The following MSH3 variants were observed in gnomAD, a reference collection of about 807,000 sequenced individuals.
The protein encoded by MSH3 is DNA mismatch repair protein Msh3.
MSH3 carries 106 observed loss-of-function variants against 123.3 expected under a neutral mutation model. The ratio of observed to expected loss-of-function variants is 0.86; its 90% confidence interval spans 0.73 to 1.01. The LOEUF is 1.01. Among genes scored for constraint, MSH3 ranks in the 50% least tolerant of loss-of-function variants. MSH3 has a pLI of 0.00. For missense variants in MSH3, 1,459 were observed against 1,347.6 expected, an observed-to-expected ratio of 1.08 and a Z score of -1.29; for synonymous variants, 515 against 481.4, an observed-to-expected ratio of 1.07 and a Z score of -0.91.
intron 8 of MSH3, among the ~76,000 whole-genome samples, chr5:80,709,185 A>G (rs1011883179): frequency 1.7e-4 from 25 of 150,764 alleles, no homozygotes; most frequent in Non-Finnish European, 2.7e-4. Context: ...GTAGACCCAC[A>G]TTAGCGATGA....
intron 8 of MSH3, among the ~76,000 whole-genome samples, chr5:80,702,489 A>G (rs754485909): frequency 2.0e-5 from 3 of 152,184 alleles, no homozygotes; most frequent in Non-Finnish European, 4.4e-5. Context: ...TAGGTATCGC[A>G]TGGCATATTT....
chr5:80,855,637 A>G (rs979855815), intron 21 of MSH3: 1 of 152,204 alleles, frequency 6.6e-6, no homozygotes, highest in African/African-American at 2.4e-5. Flanking sequence ...GCAGTAATAC[A>G]GTTTCATACA....
intron 13 of MSH3, 82 bp downstream of exon 13, chr5:80,761,760 C>A: frequency 6.9e-7 from 1 of 1,448,062 alleles, no homozygotes; most frequent in Non-Finnish European, 9.6e-7. Context: ...CTTTTGAGAG[C>A]TCTATTATTA....
intron 6 of MSH3, 90 bp downstream of exon 6, chr5:80,672,948 C>T (rs1342273383): frequency 7.7e-6 from 8 of 1,036,036 alleles, no homozygotes; most frequent in Admixed American, 1.7e-5. Flanking sequence ...TTTTTAGTTG[C>T]TCTTTGGGAA....
Position 80,875,923 on chromosome 5 carries a change from A to G in MSH3, c.*61A>G. On this transcript the variant is annotated 3_prime_UTR_variant, in exon 24 of 24. Coordinates refer to ENST00000265081, the MANE Select transcript of MSH3 (RefSeq NM_002439.5). ...TTAAAAATACCAACTGTACAAAATA[A>G]CTCTCCAGTAACAGCCTATCTTTGT... 1 of 983,654 alleles carries G rather than the reference A, an allele frequency of 1.0e-6. No homozygotes were observed. The highest frequency in any genetic ancestry group is 1.6e-6 in the Non-Finnish European group (1 of 620,476). The allele number at this position is 983,654 out of a possible 1,614,324, so 60.9% of individuals were successfully genotyped here. A position where few individuals can be genotyped will look rare whatever the true frequency, so the allele number is the denominator to read the frequency against.
intron 15 of MSH3, among the ~76,000 whole-genome samples, chr5:80,774,615 A>AGT (rs1207783530): frequency 2.0e-5 from 3 of 152,220 alleles, no homozygotes; most frequent in African/African-American, 7.2e-5. Flanking sequence ...ATCACAACAG[A>AGT]GTACTATACA....
intron 8 of MSH3, among the ~76,000 whole-genome samples, chr5:80,724,952 C>T (rs6151723): frequency 1.9e-3 from 284 of 152,154 alleles, no homozygotes; most frequent in African/African-American, 6.4e-3. Context: ...CAGTGGCTCA[C>T]GCCTGTAATC....
At chr5:80,689,084 C>A (rs1680160610) in intron 8 of MSH3, among the ~76,000 whole-genome samples, 1 of 152,002 alleles carries the variant, frequency 6.6e-6, no homozygotes, top group African/African-American at 2.4e-5. Context: ...GAAGTGTGGT[C>A]ACAGGATGAG....
chr5:80,704,236 G>T (rs939409593), intron 8 of MSH3, among the ~76,000 whole-genome samples: 71 of 152,148 alleles, frequency 4.7e-4, no homozygotes, highest in African/African-American at 1.7e-3. Flanking sequence ...GGTCCTACAA[G>T]GTCCTCCTTA....
At chr5:80,667,863 T>G (rs769407102) in intron 3 of MSH3, among the ~76,000 whole-genome samples, 4 of 152,214 alleles carry the variant, frequency 2.6e-5, no homozygotes, top group Non-Finnish European at 4.4e-5. Context: ...CTGTCTTCTC[T>G]CCTTCTTGTT....
chr5:80,661,455 T>C (rs1319533838), intron 2 of MSH3, among the ~76,000 whole-genome samples: 1 of 152,160 alleles, frequency 6.6e-6, no homozygotes, highest in Non-Finnish European at 1.5e-5. Flanking sequence ...TAATAAAATG[T>C]TCGTTTTCCA....
chr5:80,766,543 C>T (rs1370436184), intron 13 of MSH3, among the ~76,000 whole-genome samples: 1 of 151,936 alleles, frequency 6.6e-6, no homozygotes, highest in African/African-American at 2.4e-5. Flanking sequence ...TGGGGTTTCA[C>T]CATGTTGGTA....
rs532143666 is a variant in MSH3, at chr5:80,679,360, T to G, written c.1340+267T>G. Among the ~76,000 whole-genome samples, 10 of 152,264 alleles carry G rather than the reference T, an allele frequency of 6.6e-5. No homozygotes were observed. In the South Asian group the frequency reaches 1.2e-3, roughly 19 times the overall value. On this transcript the variant is annotated intron_variant, in intron 8 of 23. Coordinates refer to ENST00000265081, the MANE Select transcript of MSH3 (RefSeq NM_002439.5). Reference sequence around the variant, plus strand: ...CAGCCTGGGCAACTAAGGTGAGATCTCATATCTAAAAAACAAATAGAAGAA... The same window carrying G: ...CAGCCTGGGCAACTAAGGTGAGATCGCATATCTAAAAAACAAATAGAAGAA...
At chr5:80,864,751 CAG>C in intron 21 of MSH3, 60 bp from the exon 22 acceptor site, 3 of 1,458,622 alleles carry the variant, frequency 2.1e-6, no homozygotes, top group Non-Finnish European at 2.8e-6. Context: ...AAGTGGAAGA[CAG>C]ATTTTAATTA....
intron 20 of MSH3, among the ~76,000 whole-genome samples, chr5:80,833,533 C>G (rs1745456713): frequency 6.6e-6 from 1 of 152,188 alleles, no homozygotes; most frequent in Non-Finnish European, 1.5e-5. Context: ...ACCTCCACCT[C>G]CCGGGTTCAA....
intron 11 of MSH3, among the ~76,000 whole-genome samples, chr5:80,743,415 A>G (rs1051287001): frequency 4.6e-5 from 7 of 152,130 alleles, no homozygotes; most frequent in Non-Finnish European, 8.8e-5. Context: ...GGCAGGTGGC[A>G]TTGTATCCTA....
chr5:80,824,424 G>A (rs1004550691), intron 20 of MSH3, among the ~76,000 whole-genome samples: 2 of 151,560 alleles, frequency 1.3e-5, no homozygotes, highest in African/African-American at 2.4e-5. Context: ...CAGACGGGGC[G>A]GCTGGCCGGG....
At chr5:80,832,464 A>G (rs915703934) in intron 20 of MSH3, among the ~76,000 whole-genome samples, 3 of 152,112 alleles carry the variant, frequency 2.0e-5, no homozygotes, top group East Asian at 3.9e-4. Context: ...TAGTAAAAAT[A>G]CAAAACTTAT....
chr5:80,775,888 A>T (rs878910920), intron 16 of MSH3, 130 bp downstream of exon 16: 2 of 644,818 alleles, frequency 3.1e-6, no homozygotes, highest in Non-Finnish European at 2.7e-6. Context: ...TTTCTGATGG[A>T]ACTTTTTTTT....
Sources: allele counts gnomAD v4.1 joint callset (sites outside exome capture counted in the v4.1 genomes callset), GRCh38; gene constraint gnomAD v4.1.1; transcripts MANE v1.5; gene names NCBI Gene and HGNC (gene_info 2026-07-23, HGNC 2026-07-21).